Variants in CREB5 observed in about 807,000 individuals in gnomAD.
CREB5 encodes the protein cyclic AMP-responsive element-binding protein 5.
In CREB5, 19 loss-of-function variants were observed where a neutral mutation model predicts 57.1. That is an observed-to-expected ratio of 0.33 (90% CI 0.23 to 0.49). CREB5 has a LOEUF of 0.49. Among genes scored for constraint, CREB5 ranks in the 20% least tolerant of loss-of-function variants. CREB5 has a pLI of 0.99. For synonymous variants in CREB5, 238 were observed against 238.3 expected (o/e 1.00, Z 0.01); for missense variants, 579 against 671.6 (o/e 0.86, Z 1.52).
chr7:28,414,491 G>A (rs1380792857), intron 1 of CREB5, among the ~76,000 whole-genome samples: 1 of 152,040 alleles, frequency 6.6e-6, no homozygotes, highest in Admixed American at 6.5e-5. Context: ...AAACTGGGGG[G>A]CAATTGCCTT....
At chr7:28,383,862 C>T (rs1160364253) in intron 1 of CREB5, among the ~76,000 whole-genome samples, 2 of 152,094 alleles carry the variant, frequency 1.3e-5, no homozygotes, top group East Asian at 1.9e-4. Flanking sequence ...CCTTAGTTGA[C>T]GTTCTATTTC....
chr7:28,583,703 A>T (rs912441838), intron 5 of CREB5, among the ~76,000 whole-genome samples: 1 of 151,584 alleles, frequency 6.6e-6, no homozygotes, highest in African/African-American at 2.4e-5. Flanking sequence ...TTTGAGATGG[A>T]GTTTCGCTCT....
At position 28,825,808 on chromosome 7, in the gene CREB5, T is replaced by G. The variant is rs113647587; in HGVS notation, c.*6529T>G. The G allele has an allele frequency of 7.6e-3, 1,155 of 152,782 alleles. 9 individuals carry two copies. Among genetic ancestry groups the G allele is most frequent in the Non-Finnish European group, 0.012 (800 of 68,028 alleles). 9.5% of individuals were successfully genotyped at this position (152,782 alleles called of 1,614,324 possible). A position where few individuals can be genotyped will look rare whatever the true frequency, so the allele number is the denominator to read the frequency against. ...TAGGTCAGATTTTTACATCTCTTTC[T>G]AGCAAGAAGAGACAAGATTTTGTGC... is the stretch of plus-strand genomic sequence containing the variant. On this transcript the variant is annotated 3_prime_UTR_variant, in exon 11 of 11. Coordinates refer to ENST00000357727, the MANE Select transcript of CREB5 (RefSeq NM_182898.4).
chr7:28,622,075 G>A (rs943127802), intron 5 of CREB5, among the ~76,000 whole-genome samples: 5 of 152,156 alleles, frequency 3.3e-5, no homozygotes, highest in African/African-American at 4.8e-5. Flanking sequence ...ACTGTGATAT[G>A]AAGTCATATT....
At chr7:28,560,933 T>TGTGTGTGC (rs1562797953) in intron 4 of CREB5, among the ~76,000 whole-genome samples, 3 of 49,348 alleles carry the variant, frequency 6.1e-5, no homozygotes, top group African/African-American at 2.5e-4. Context: ...CGCGTGCGTG[T>TGTGTGTGC]GTGCGTGCGT....
At chr7:28,522,766 A>G (rs1032471371) in intron 4 of CREB5, among the ~76,000 whole-genome samples, 2 of 152,186 alleles carry the variant, frequency 1.3e-5, no homozygotes, top group African/African-American at 2.4e-5. Context: ...GGATTTGCCC[A>G]CATTCTGCAG....
chr7:28,560,915 C>CGTGCGT lies in CREB5; in HGVS notation c.292-9447_292-9446insCGTGTG, dbSNP rs1795176213. On this transcript the variant is annotated intron_variant, in intron 4 of 10. Transcript: ENST00000357727. ...GTGTGTGCGTGCGCGCGTGCGTGTGCGTGTGTGCGCGTGCGTGTGTGCGTG... is the reference window on the plus strand; with the variant it reads ...GTGTGTGCGTGCGCGCGTGCGTGTGCGTGCGTGTGTGTGCGCGTGCGTGTGTGCGTG... 2.4e-3 allele frequency among the ~76,000 whole-genome samples: 41 copies of CGTGCGT among 16,898 alleles called. 2 individuals carry two copies. The highest frequency in any genetic ancestry group is 4.2e-3 in the Non-Finnish European group (38 of 9,024). The allele number at this position is 16,898 out of a possible 152,430, so 11.1% of individuals were successfully genotyped here.
At chr7:28,560,866 C>CGTGCGCGCGTGCGTG (rs1562797336) in intron 4 of CREB5, among the ~76,000 whole-genome samples, 1 of 50,264 alleles carries the variant, frequency 2.0e-5, no homozygotes, top group Non-Finnish European at 4.3e-5. Flanking sequence ...GTGCGTGTGC[C>CGTGCGCGCGTGCGTG]TGCGTGCGCG....
At chr7:28,708,360 C>T (rs1303747758) in intron 5 of CREB5, among the ~76,000 whole-genome samples, 3 of 152,128 alleles carry the variant, frequency 2.0e-5, no homozygotes, top group Non-Finnish European at 4.4e-5. Context: ...GCCAATGTAT[C>T]GTGGAGCTAA....
At chr7:28,549,216 A>C (rs1351491474) in intron 4 of CREB5, among the ~76,000 whole-genome samples, 2 of 152,234 alleles carry the variant, frequency 1.3e-5, no homozygotes, top group Non-Finnish European at 2.9e-5. Flanking sequence ...GAAATAATCT[A>C]AAAGCATATA....
chr7:28,392,857 C>G (rs7799265), intron 1 of CREB5, among the ~76,000 whole-genome samples: 12,014 of 152,222 alleles, frequency 0.079, 521 homozygotes, highest in South Asian at 0.14. Flanking sequence ...TTACTGCCAC[C>G]TCAGACCCTC....
chr7:28,302,667 C>A (rs1410599784), intron 1 of CREB5, among the ~76,000 whole-genome samples: 2 of 152,134 alleles, frequency 1.3e-5, no homozygotes, highest in African/African-American at 4.8e-5. Flanking sequence ...AGGCCATGAA[C>A]GTCCTGCTCA....
At chr7:28,713,047 A>T (rs1287829239) in intron 5 of CREB5, among the ~76,000 whole-genome samples, 1 of 151,946 alleles carries the variant, frequency 6.6e-6, no homozygotes, top group Non-Finnish European at 1.5e-5. Context: ...ATTTTAAAAA[A>T]TTTTTATTTA....
chr7:28,436,278 GC>G lies in CREB5; in HGVS notation c.3+23363del, dbSNP rs532024354. 3.7e-4 allele frequency among the ~76,000 whole-genome samples: 56 copies of G among 152,198 alleles called. 1 individual carries two copies. Among genetic ancestry groups the G allele is most frequent in the African/African-American group, 1.3e-3 (54 of 41,530 alleles). ...TGTGTTGTGTACATTTGTGCATATG[GC>G]CTTTCCACTTATGTTTTCCAATGTT... On this transcript the variant is annotated intron_variant, in intron 1 of 10. Transcript: ENST00000357727.
chr7:28,715,112 AG>A (rs1802604532), intron 5 of CREB5, among the ~76,000 whole-genome samples: 2 of 152,238 alleles, frequency 1.3e-5, no homozygotes, highest in Non-Finnish European at 2.9e-5. Flanking sequence ...TCACGTTAGC[AG>A]TATTACAGGA....
At chr7:28,560,929 C>CGTGCGCGTGTGTGTGCGT (rs1562797931) in intron 4 of CREB5, among the ~76,000 whole-genome samples, 4 of 30,422 alleles carry the variant, frequency 1.3e-4, no homozygotes, top group Non-Finnish European at 1.8e-4. Flanking sequence ...TGTGCGCGTG[C>CGTGCGCGTGTGTGTGCGT]GTGTGTGCGT....
At chr7:28,436,226 G>A (rs1356371738) in intron 1 of CREB5, among the ~76,000 whole-genome samples, 3 of 152,074 alleles carry the variant, frequency 2.0e-5, no homozygotes, top group South Asian at 4.1e-4. Flanking sequence ...TGCCCTTGTG[G>A]CTCAAGCTGC....
At chr7:28,340,198 A>G (rs1425290424) in intron 1 of CREB5, among the ~76,000 whole-genome samples, 1 of 151,862 alleles carries the variant, frequency 6.6e-6, no homozygotes, top group East Asian at 1.9e-4. Context: ...GCTTTTCTCA[A>G]GCAGAAGGAA....
At chr7:28,475,837 T>C (rs186291) in intron 1 of CREB5, among the ~76,000 whole-genome samples, 109,918 of 151,928 alleles carry the variant, frequency 0.72, 40,189 homozygotes, top group African/African-American at 0.79. Context: ...TAGGAGCTGT[T>C]TTCAGGAAGG....
Sources: gnomAD v4.1 joint callset for allele counts (sites outside exome capture counted in the v4.1 genomes callset) on GRCh38, gnomAD v4.1.1 for gene constraint, MANE v1.5 for transcripts, NCBI Gene and HGNC (gene_info 2026-07-23, HGNC 2026-07-21) for gene names.